TMEM117: variants seen among roughly 807,000 people sequenced by gnomAD.
TMEM117 encodes transmembrane protein 117.
Under a neutral mutation model 52.4 loss-of-function variants are expected in TMEM117, and 27 were observed. That is an observed-to-expected ratio of 0.51 (90% CI 0.38 to 0.71). The LOEUF (loss-of-function observed/expected upper bound fraction) is 0.71. TMEM117 is among the 30% of genes least tolerant of loss of function. The pLI is 0.00. For synonymous variants in TMEM117, 215 were observed against 206.3 expected, an observed-to-expected ratio of 1.04 and a Z score of -0.36; for missense variants, 556 against 630.5, an observed-to-expected ratio of 0.88 and a Z score of 1.26.
In TMEM117 at chr12:44,242,508, T is replaced by C. The variant is rs190186431; in HGVS notation, c.608+31121T>C. ...TGGCTACATAGTATTCCATGGCGTA[T>C]ATGTGCCACATTTTCTTTATTCAAT... On this transcript the variant is annotated intron_variant, in intron 5 of 7. Coordinates refer to ENST00000266534, the MANE Select transcript of TMEM117 (RefSeq NM_032256.3). Among the ~76,000 whole-genome samples, 426 of 151,952 alleles carry C rather than the reference T, an allele frequency of 2.8e-3. 5 individuals are homozygous for C. The highest frequency in any genetic ancestry group is 9.8e-3 in the African/African-American group (405 of 41,516).
At chr12:44,222,840 G>T (rs1949806864) in intron 5 of TMEM117, among the ~76,000 whole-genome samples, 1 of 152,086 alleles carries the variant, frequency 6.6e-6, no homozygotes, top group African/African-American at 2.4e-5. Context: ...CATCTCTATA[G>T]CAAGTAGTGC....
chr12:43,839,907 A>G (rs1179816296), intron 1 of TMEM117, among the ~76,000 whole-genome samples: 1 of 152,238 alleles, frequency 6.6e-6, no homozygotes, highest in Non-Finnish European at 1.5e-5. Context: ...TTTCAGTAAA[A>G]TACAGACCAA....
intron 3 of TMEM117, among the ~76,000 whole-genome samples, chr12:44,016,818 C>G (rs1307088677): frequency 6.6e-6 from 1 of 152,302 alleles, no homozygotes; most frequent in Admixed American, 6.5e-5. Context: ...TAGGTTGCAT[C>G]AGTATCACCT....
chr12:44,297,334 G>A (rs543468106), intron 5 of TMEM117, among the ~76,000 whole-genome samples: 2 of 152,288 alleles, frequency 1.3e-5, no homozygotes, highest in African/African-American at 4.8e-5. Flanking sequence ...TGAAAATACA[G>A]TAATGATATT....
At chr12:44,049,261 T>C (rs975876094) in intron 3 of TMEM117, among the ~76,000 whole-genome samples, 1 of 152,190 alleles carries the variant, frequency 6.6e-6, no homozygotes, top group Non-Finnish European at 1.5e-5. Flanking sequence ...TCATGTCTTT[T>C]GCAGGGACAT....
chr12:44,168,414 T>C (rs1269441802), intron 4 of TMEM117, among the ~76,000 whole-genome samples: 1 of 152,258 alleles, frequency 6.6e-6, no homozygotes, highest in Non-Finnish European at 1.5e-5. Flanking sequence ...ATTTTCTTTA[T>C]AACTTCTTAT....
intron 3 of TMEM117, among the ~76,000 whole-genome samples, chr12:44,058,096 A>G (rs1334796638): frequency 2.0e-5 from 3 of 152,156 alleles, no homozygotes. Flanking sequence ...GTTTATTTTT[A>G]TTCAATATTT....
At chr12:44,181,478 T>C (rs1184751040) in intron 4 of TMEM117, among the ~76,000 whole-genome samples, 1 of 150,606 alleles carries the variant, frequency 6.6e-6, no homozygotes, top group African/African-American at 2.4e-5. Flanking sequence ...AGGGTTTTTA[T>C]GGTTTTAGGT....
chr12:43,955,163 A>G (rs1457358830), intron 3 of TMEM117, among the ~76,000 whole-genome samples: 1 of 151,826 alleles, frequency 6.6e-6, no homozygotes, highest in Admixed American at 6.6e-5. Flanking sequence ...ATGACAAAAA[A>G]CAGTCAATAA....
intron 3 of TMEM117, among the ~76,000 whole-genome samples, chr12:44,000,327 T>C (rs1946096109): frequency 6.6e-6 from 1 of 152,166 alleles, no homozygotes. Flanking sequence ...TAGATTCCTT[T>C]AGAATTCTTC....
chr12:43,813,531 A>G, the TMEM117 span, among the ~76,000 whole-genome samples: 1 of 151,788 alleles, frequency 6.6e-6, no homozygotes, highest in Non-Finnish European at 1.5e-5. Flanking sequence ...CTGGCCCTGA[A>G]CTGGTTTTCT....
At chr12:44,249,671 C>A (rs1375096970) in intron 5 of TMEM117, among the ~76,000 whole-genome samples, 1 of 152,056 alleles carries the variant, frequency 6.6e-6, no homozygotes, top group Non-Finnish European at 1.5e-5. Context: ...TGAACAGAGA[C>A]CTCAGAAGTA....
chr12:43,866,498 C>A (rs1943602327), intron 2 of TMEM117, among the ~76,000 whole-genome samples: 1 of 151,950 alleles, frequency 6.6e-6, no homozygotes, highest in African/African-American at 2.4e-5. Context: ...TTACCAGAGC[C>A]TGGGAGGTCG....
At chr12:44,095,009 C>T (rs1947734328) in intron 3 of TMEM117, among the ~76,000 whole-genome samples, 1 of 151,988 alleles carries the variant, frequency 6.6e-6, no homozygotes, top group African/African-American at 2.4e-5. Context: ...TAAAATATTA[C>T]CATGTTGGTC....
chr12:44,184,068 G>A (rs187668907), intron 4 of TMEM117, among the ~76,000 whole-genome samples: 5 of 152,274 alleles, frequency 3.3e-5, no homozygotes, highest in African/African-American at 1.2e-4. Context: ...AAACTGGCCC[G>A]GGTGCAGTGG....
intron 3 of TMEM117, among the ~76,000 whole-genome samples, chr12:44,071,026 G>A (rs974958804): frequency 1.3e-5 from 2 of 152,244 alleles, no homozygotes; most frequent in Admixed American, 6.5e-5. Context: ...ATTTCTTATA[G>A]AAAAACATTT....
At chr12:44,208,475 T>C (rs1261976339) in intron 4 of TMEM117, among the ~76,000 whole-genome samples, 1 of 152,134 alleles carries the variant, frequency 6.6e-6, no homozygotes, top group Non-Finnish European at 1.5e-5. Context: ...CTCATGGCAT[T>C]GTCTTTAGTC....
In TMEM117 at chr12:43,887,803, TGATGA is replaced by T. The variant is rs1944024492; in HGVS notation, c.277+42878_277+42882del. Among the ~76,000 whole-genome samples the T allele has an allele frequency of 1.1e-4, 16 of 152,198 alleles. No individual in the cohort carries two copies. The South Asian group carries it at 2.9e-3, about 28-fold the overall frequency. ...GGACCAATCTACTCAAGAACAACAGTGATGAGAAGACAGATTTTATGGACTGGGTG... is the reference window on the plus strand; with the variant it reads ...GGACCAATCTACTCAAGAACAACAGTGAAGACAGATTTTATGGACTGGGTG... On this transcript the variant is annotated intron_variant, in intron 2 of 7. Coordinates refer to ENST00000266534, the MANE Select transcript of TMEM117 (RefSeq NM_032256.3).
At chr12:44,280,848 T>G (rs1187244206) in intron 5 of TMEM117, among the ~76,000 whole-genome samples, 1 of 152,218 alleles carries the variant, frequency 6.6e-6, no homozygotes, top group African/African-American at 2.4e-5. Flanking sequence ...TTATACTTTT[T>G]ATATAGCTTT....
Sources: gnomAD v4.1 joint callset for allele counts (sites outside exome capture counted in the v4.1 genomes callset) on GRCh38, gnomAD v4.1.1 for gene constraint, MANE v1.5 for transcripts, NCBI Gene and HGNC (gene_info 2026-07-23, HGNC 2026-07-21) for gene names.